AGBL4: variants seen among roughly 807,000 people sequenced by gnomAD.
AGBL4 encodes cytosolic carboxypeptidase 6.
In AGBL4, 58 loss-of-function variants were observed where a neutral mutation model predicts 66.4. That is an observed-to-expected ratio of 0.87 (90% CI 0.71 to 1.09). The LOEUF is 1.09. Ranked by LOEUF, AGBL4 falls within the 50% of genes least tolerant of loss-of-function variation. The probability of loss-of-function intolerance (pLI) is 0.00; values close to 1 mark genes in which losing one functional copy is unlikely to be tolerated. For synonymous variants in AGBL4, 234 were observed against 222.9 expected (o/e 1.05, Z -0.44); for missense variants, 579 against 631.0 (o/e 0.92, Z 0.88).
chr1:48,868,408 A>C lies in AGBL4; in HGVS notation c.595-1178T>G, dbSNP rs576388497. Among the ~76,000 whole-genome samples the C allele has an allele frequency of 3.3e-5, 5 of 152,318 alleles. No individual in the cohort carries two copies. The South Asian group carries it at 6.2e-4, about 19-fold the overall frequency. The stretch of plus-strand genomic sequence containing the variant: ...ACAGTACTAAGTACTTTGATGTATC[A>C]ATTTTTTTCATACTCCTGGCAATTG... On this transcript the variant is annotated intron_variant, in intron 5 of 13. Coordinates refer to ENST00000371839, the MANE Select transcript of AGBL4 (RefSeq NM_032785.4).
intron 1 of AGBL4, among the ~76,000 whole-genome samples, chr1:49,972,013 G>A (rs915774193): frequency 2.1e-5 from 3 of 140,898 alleles, no homozygotes; most frequent in Admixed American, 1.5e-4. Flanking sequence ...TGCCTCCTAC[G>A]TTCACGCCAT....
At chr1:49,134,154 G>C (rs1330897919) in intron 4 of AGBL4, among the ~76,000 whole-genome samples, 5 of 152,042 alleles carry the variant, frequency 3.3e-5, no homozygotes, top group South Asian at 2.1e-4. Flanking sequence ...AAAGGGAAGG[G>C]AGTGTACGAA....
intron 5 of AGBL4, among the ~76,000 whole-genome samples, chr1:48,950,708 A>T (rs1191307101): frequency 6.6e-6 from 1 of 152,160 alleles, no homozygotes; most frequent in Non-Finnish European, 1.5e-5. Context: ...GACCATCTTA[A>T]AAGGCTCCCA....
intron 3 of AGBL4, among the ~76,000 whole-genome samples, chr1:49,574,889 A>G (rs1021477645): frequency 2.0e-5 from 3 of 151,924 alleles, no homozygotes; most frequent in Non-Finnish European, 4.4e-5. Flanking sequence ...AGAAGACTTC[A>G]AGGTTGAATG....
chr1:49,122,673 T>C (rs1645681895), intron 4 of AGBL4, among the ~76,000 whole-genome samples: 1 of 152,212 alleles, frequency 6.6e-6, no homozygotes, highest in Admixed American at 6.5e-5. Context: ...ACTAAATCCA[T>C]GACCTTAGAC....
chr1:49,760,956 T>C (rs972251859), intron 2 of AGBL4, among the ~76,000 whole-genome samples: 3 of 151,584 alleles, frequency 2.0e-5, no homozygotes, highest in Non-Finnish European at 4.4e-5. Context: ...CCCTCATAAG[T>C]GGGACTTGAA....
chr1:49,777,387 TTAAG>T (rs1220485086), intron 2 of AGBL4, among the ~76,000 whole-genome samples: 1 of 152,154 alleles, frequency 6.6e-6, no homozygotes, highest in Non-Finnish European at 1.5e-5. Context: ...CATGTATAAT[TTAAG>T]TAATAGTTTA....
At chr1:49,821,414 A>T (rs1645366554) in intron 2 of AGBL4, among the ~76,000 whole-genome samples, 1 of 152,224 alleles carries the variant, frequency 6.6e-6, no homozygotes, top group Admixed American at 6.5e-5. Context: ...GTCAAATGAG[A>T]TCAAGGCTAT....
chr1:49,101,538 T>C (rs1012266461), intron 4 of AGBL4, among the ~76,000 whole-genome samples: 1 of 152,192 alleles, frequency 6.6e-6, no homozygotes, highest in Non-Finnish European at 1.5e-5. Context: ...AATACATGGT[T>C]CTAAATAAGA....
rs150730786 is a variant in AGBL4 at position 49,122,380 on chromosome 1, A to G, written c.378-76580T>C. Among the ~76,000 whole-genome samples, 251 of 152,304 alleles carry G rather than the reference A, an allele frequency of 1.6e-3. 4 individuals carry two copies. Among genetic ancestry groups the G allele is most frequent in the African/African-American group, 5.7e-3 (235 of 41,564 alleles). On this transcript the variant is annotated intron_variant, in intron 4 of 13. Transcript: ENST00000371839. ...ATTTTTTTTTCTTAGTAATACATAAAGTAATGGTATATCTTAACAGTTGAT... is the reference window on the plus strand; with the variant it reads ...ATTTTTTTTTCTTAGTAATACATAAGGTAATGGTATATCTTAACAGTTGAT...
At chr1:48,636,122 T>G (rs1340898965) in intron 8 of AGBL4, among the ~76,000 whole-genome samples, 1 of 152,178 alleles carries the variant, frequency 6.6e-6, no homozygotes, top group Admixed American at 6.5e-5. Flanking sequence ...ATTTCAGAAT[T>G]TTTTTCTTAG....
chr1:49,157,088 A>AT (rs938681613), intron 4 of AGBL4, among the ~76,000 whole-genome samples: 24 of 151,370 alleles, frequency 1.6e-4, no homozygotes, highest in Non-Finnish European at 2.7e-4. Flanking sequence ...TTTCATTTTT[A>AT]TTTTTTTTTA....
At chr1:49,079,208 C>A (rs1275130991) in intron 4 of AGBL4, among the ~76,000 whole-genome samples, 1 of 152,110 alleles carries the variant, frequency 6.6e-6, no homozygotes, top group Non-Finnish European at 1.5e-5. Context: ...ACATTTGGAG[C>A]CAGCCAGACT....
At chr1:49,227,759 C>T (rs1650020476) in intron 4 of AGBL4, among the ~76,000 whole-genome samples, 1 of 152,170 alleles carries the variant, frequency 6.6e-6, no homozygotes, top group South Asian at 2.1e-4. Context: ...GTTCTGATCT[C>T]ATCATAAGAC....
chr1:49,423,057 C>T (rs775945314), intron 3 of AGBL4: 7 of 152,224 alleles, frequency 4.6e-5, no homozygotes, highest in Non-Finnish European at 7.3e-5. Context: ...TTCTTTCTTC[C>T]CTTACCTCCA....
chr1:49,339,677 C>T (rs1645500493), intron 3 of AGBL4, among the ~76,000 whole-genome samples: 1 of 152,180 alleles, frequency 6.6e-6, no homozygotes, highest in African/African-American at 2.4e-5. Flanking sequence ...ATGCTTTACT[C>T]CTGTTGATAT....
At position 49,983,811 on chromosome 1, in the gene AGBL4, A is replaced by T. The variant is rs572514672; in HGVS notation, c.34+39952T>A. On this transcript the variant is annotated intron_variant, in intron 1 of 13. Coordinates refer to ENST00000371839, the MANE Select transcript of AGBL4 (RefSeq NM_032785.4). Reference sequence around the variant, plus strand: ...ATCAGTTATGCATACCTGGCTTTGCAGTATGCATTTCACTGTGACTCCCAG... The same window carrying T: ...ATCAGTTATGCATACCTGGCTTTGCTGTATGCATTTCACTGTGACTCCCAG... Among the ~76,000 whole-genome samples, 8 of 152,352 alleles carry T rather than the reference A, an allele frequency of 5.3e-5. No homozygotes were observed. The East Asian group carries it at 1.5e-3, about 29-fold the overall frequency.
chr1:49,502,771 C>G (rs992992447), intron 3 of AGBL4, among the ~76,000 whole-genome samples: 2 of 152,044 alleles, frequency 1.3e-5, no homozygotes, highest in African/African-American at 4.8e-5. Flanking sequence ...CCTAGAGAAT[C>G]TGTGGAACTT....
intron 1 of AGBL4, among the ~76,000 whole-genome samples, chr1:49,952,809 G>T (rs982685212): frequency 2.6e-5 from 4 of 151,906 alleles, no homozygotes; most frequent in African/African-American, 9.7e-5. Flanking sequence ...AAAGATATAT[G>T]TACATTGAGA....
Sources: gnomAD v4.1 joint callset for allele counts (sites outside exome capture counted in the v4.1 genomes callset) on GRCh38, gnomAD v4.1.1 for gene constraint, MANE v1.5 for transcripts, NCBI Gene and HGNC (gene_info 2026-07-23, HGNC 2026-07-21) for gene names.